The following PLXDC2 variants were observed in gnomAD, a reference collection of about 807,000 sequenced individuals.
PLXDC2 encodes plexin domain-containing protein 2.
A neutral mutation model predicts 68.9 loss-of-function variants in PLXDC2; 40 were observed. That is an observed-to-expected ratio of 0.58 (90% CI 0.45 to 0.76). The LOEUF (loss-of-function observed/expected upper bound fraction) is 0.76. Among genes scored for constraint, PLXDC2 ranks in the 30% least tolerant of loss-of-function variants. PLXDC2 has a pLI of 0.00. For synonymous variants in PLXDC2, 243 were observed against 234.2 expected, an observed-to-expected ratio of 1.04 and a Z score of -0.34; for missense variants, 644 against 661.9, an observed-to-expected ratio of 0.97 and a Z score of 0.30.
intron 1 of PLXDC2, among the ~76,000 whole-genome samples, chr10:19,968,002 A>C (rs776559930): frequency 6.6e-6 from 1 of 152,250 alleles, no homozygotes; most frequent in African/African-American, 2.4e-5. Flanking sequence ...ATTTTAACCT[A>C]GAAAAGACTT....
At chr10:20,209,810 G>A (rs915056067) in intron 9 of PLXDC2, among the ~76,000 whole-genome samples, 2 of 152,130 alleles carry the variant, frequency 1.3e-5, no homozygotes, top group Admixed American at 6.6e-5. Context: ...ACAGGATTAA[G>A]AGATTAAAGA....
chr10:20,097,370 G>A (rs543244445), intron 4 of PLXDC2, among the ~76,000 whole-genome samples: 9 of 152,042 alleles, frequency 5.9e-5, no homozygotes, highest in African/African-American at 1.2e-4. Context: ...TTTAATAACC[G>A]ACTTTGAAGT....
chr10:20,141,554 G>A (rs529238619), intron 4 of PLXDC2, among the ~76,000 whole-genome samples: 3 of 152,098 alleles, frequency 2.0e-5, no homozygotes, highest in South Asian at 4.1e-4. Context: ...CACTTTCAGA[G>A]TCTAATTCAA....
chr10:19,912,024 C>A (rs1400160225), intron 1 of PLXDC2, among the ~76,000 whole-genome samples: 1 of 152,114 alleles, frequency 6.6e-6, no homozygotes, highest in Non-Finnish European at 1.5e-5. Context: ...ATTACTTGTG[C>A]CATTTTCTTT....
intron 1 of PLXDC2, among the ~76,000 whole-genome samples, chr10:19,930,445 A>G (rs570213258): frequency 3.9e-5 from 6 of 152,192 alleles, no homozygotes; most frequent in Non-Finnish European, 7.3e-5. Context: ...GACTTAAAGG[A>G]TATGTTGACT....
chr10:19,871,899 A>AC (rs1491342477), intron 1 of PLXDC2, among the ~76,000 whole-genome samples: 10 of 146,656 alleles, frequency 6.8e-5, no homozygotes, highest in Non-Finnish European at 1.5e-4. Flanking sequence ...AAAAAAAAAA[A>AC]CACAAAAAAC....
chr10:19,934,596 C>G (rs748490906), intron 1 of PLXDC2, among the ~76,000 whole-genome samples: 1 of 152,194 alleles, frequency 6.6e-6, no homozygotes, highest in African/African-American at 2.4e-5. Context: ...ATCTCCTAAT[C>G]AAATTCGCCT....
At chr10:20,058,367 C>A (rs1836038184) in intron 3 of PLXDC2, among the ~76,000 whole-genome samples, 1 of 152,160 alleles carries the variant, frequency 6.6e-6, no homozygotes, top group East Asian at 1.9e-4. Flanking sequence ...GGATTTGAGT[C>A]CTCACTTTGC....
chr10:20,157,516 T>A (rs1380989614), intron 6 of PLXDC2, among the ~76,000 whole-genome samples: 4 of 152,232 alleles, frequency 2.6e-5, no homozygotes, highest in Non-Finnish European at 5.9e-5. Context: ...AGCGGCATGC[T>A]GTTATCTCCC....
intron 13 of PLXDC2, among the ~76,000 whole-genome samples, chr10:20,262,890 C>G (rs1481778057): frequency 6.6e-6 from 1 of 152,220 alleles, no homozygotes; most frequent in African/African-American, 2.4e-5. Flanking sequence ...CCACCTCTTG[C>G]CAGATATACT....
At chr10:20,033,632 G>A (rs909775744) in intron 2 of PLXDC2, among the ~76,000 whole-genome samples, 1 of 152,026 alleles carries the variant, frequency 6.6e-6, no homozygotes. Context: ...GCTTGTGTGG[G>A]GTAACTTCCC....
chr10:20,228,942 A>G (rs1835323831), intron 12 of PLXDC2, among the ~76,000 whole-genome samples: 1 of 152,192 alleles, frequency 6.6e-6, no homozygotes, highest in South Asian at 2.1e-4. Flanking sequence ...GGATTGCATA[A>G]CAGTCCACCA....
At position 19,897,881 on chromosome 10, in the gene PLXDC2, T is replaced by A. The variant is rs997108; in HGVS notation, c.112+80690T>A. 9.4e-3 allele frequency among the ~76,000 whole-genome samples: 1,423 copies of A among 152,184 alleles called. 21 individuals carry two copies. The highest frequency in any genetic ancestry group is 0.029 in the African/African-American group (1,214 of 41,544). ...CATTATTAGTAATATAATTAAAAAATTTTTAAGTAGAAGGACTAGCTGCAA... is the reference window on the plus strand; with the variant it reads ...CATTATTAGTAATATAATTAAAAAAATTTTAAGTAGAAGGACTAGCTGCAA... On this transcript the variant is annotated intron_variant, in intron 1 of 13. Coordinates refer to ENST00000377252, the MANE Select transcript of PLXDC2 (RefSeq NM_032812.9).
intron 13 of PLXDC2, among the ~76,000 whole-genome samples, chr10:20,264,256 C>A (rs1427501555): frequency 6.6e-6 from 1 of 152,024 alleles, no homozygotes; most frequent in Non-Finnish European, 1.5e-5. Flanking sequence ...TTAGTGGGAG[C>A]TAAATGATAA....
intron 4 of PLXDC2, among the ~76,000 whole-genome samples, chr10:20,114,439 C>T (rs1348991878): frequency 6.6e-6 from 1 of 152,192 alleles, no homozygotes; most frequent in African/African-American, 2.4e-5. Context: ...TGTTGAAATA[C>T]AAACATGAAA....
intron 13 of PLXDC2, among the ~76,000 whole-genome samples, chr10:20,265,586 G>GA (rs774015637): frequency 1.3e-5 from 2 of 151,984 alleles, no homozygotes; most frequent in African/African-American, 2.4e-5. Context: ...TGTTTCCGGG[G>GA]ATAATACTAC....
In PLXDC2 at chr10:20,245,201, CCTGTAAAATTG is replaced by C. The variant is rs139297859; in HGVS notation, c.1313-143_1313-133del. The stretch of plus-strand genomic sequence containing the variant: ...CATTGCCCATATGAAGAGCACGTCA[CCTGTAAAATTG>C]ATGTTGCAGAAAAGTTGTCCAGGAA... On this transcript the variant is annotated intron_variant, in intron 12 of 13. Transcript: ENST00000377252. 4,669 of 725,540 alleles carry C rather than the reference CCTGTAAAATTG, an allele frequency of 6.4e-3. 129 individuals are homozygous for C. The African/African-American group carries it at 0.068, about 11-fold the overall frequency. 44.9% of individuals were successfully genotyped at this position (725,540 alleles called of 1,614,324 possible).
intron 3 of PLXDC2, among the ~76,000 whole-genome samples, chr10:20,058,838 G>C (rs1162755240): frequency 1.3e-5 from 2 of 152,146 alleles, no homozygotes; most frequent in Admixed American, 1.3e-4. Flanking sequence ...TCTGTCAATG[G>C]AAAATTTTAG....
chr10:20,150,275 AT>A (rs1015061918), intron 6 of PLXDC2, among the ~76,000 whole-genome samples: 7 of 152,180 alleles, frequency 4.6e-5, no homozygotes, highest in Non-Finnish European at 1.5e-5. Context: ...TTTTGGGGAA[AT>A]AGGTGGTGTT....
Sources: gnomAD v4.1 joint callset for allele counts (sites outside exome capture counted in the v4.1 genomes callset) on GRCh38, gnomAD v4.1.1 for gene constraint, MANE v1.5 for transcripts, NCBI Gene and HGNC (gene_info 2026-07-23, HGNC 2026-07-21) for gene names.